Variants in PCNX3 observed in about 807,000 individuals in gnomAD.
The protein encoded by PCNX3 is pecanex-like protein 3.
PCNX3 carries 58 observed loss-of-function variants against 207.2 expected under a neutral mutation model. The ratio of observed to expected loss-of-function variants is 0.28; its 90% confidence interval spans 0.23 to 0.35. The LOEUF (loss-of-function observed/expected upper bound fraction) is 0.35. PCNX3 is among the 10% of genes least tolerant of loss of function. The pLI, the probability that PCNX3 is intolerant of heterozygous loss-of-function variation, is 1.00. For missense variants in PCNX3, 2,410 were observed against 2,774.4 expected, an observed-to-expected ratio of 0.87 and a Z score of 2.95; for synonymous variants, 1,337 against 1,183.5, an observed-to-expected ratio of 1.13 and a Z score of -2.66.
chr11:65,616,930 A>G lies in PCNX3; in HGVS notation c.260A>G (p.Gln87Arg). The G allele has an allele frequency of 6.2e-7, 1 of 1,613,512 alleles. No homozygotes were observed. Among genetic ancestry groups the G allele is most frequent in the South Asian group, 1.1e-5 (1 of 91,088 alleles). The part of the protein sequence containing the change: ...VNYRLHAMFD[Q>R]GEIVEKRSST... The stretch of plus-strand genomic sequence containing the variant: ...TATCGGCTTCATGCCATGTTTGACC[A>G]GGGCGAGATCGTGGAGAAGCGCAGC... Residue 87 changes from glutamine (Q) to arginine (R), a missense_variant, in exon 2 of 35, where the codon CAG becomes CGG. Transcript: ENST00000355703.
rs891610846 is a variant in PCNX3, at chr11:65,616,172, C to T, written c.-140C>T. ...CTGCTCGCACCCTCGCGCGGCCGAG[C>T]CCCCCTCCCCCGCTGGGGGAGGCCA... is the stretch of plus-strand genomic sequence containing the variant. On this transcript the variant is annotated 5_prime_UTR_variant, in exon 1 of 35. Coordinates refer to ENST00000355703, the MANE Select transcript of PCNX3 (RefSeq NM_032223.4). 5.1e-6 allele frequency: 3 copies of T among 588,886 alleles called. No homozygotes were observed. Among genetic ancestry groups the T allele is most frequent in the Middle Eastern group, 5.1e-4 (1 of 1,978 alleles). 36.5% of individuals were successfully genotyped at this position (588,886 alleles called of 1,614,324 possible).
intron 27 of PCNX3, among the ~76,000 whole-genome samples, chr11:65,631,472 T>C (rs144822931): frequency 0.015 from 2,256 of 152,180 alleles, 22 homozygotes; most frequent in Middle Eastern, 0.075. Context: ...GCCTGGCCAA[T>C]GTGGCGAAAC....
chr11:65,629,180 C>T (rs1037246600), intron 24 of PCNX3, among the ~76,000 whole-genome samples, 177 bp from the exon 25 acceptor site: 2 of 152,186 alleles, frequency 1.3e-5, no homozygotes, highest in Non-Finnish European at 2.9e-5. Context: ...CTCCCAGCTT[C>T]TTGGCTGTGT....
At chr11:65,617,808 C>T (rs1854827503) in intron 5 of PCNX3, 102 bp downstream of exon 5, 4 of 1,473,698 alleles carry the variant, frequency 2.7e-6, no homozygotes, top group Middle Eastern at 2.3e-4. Flanking sequence ...CTGTATTCCT[C>T]TGTGGGACCT....
rs1364391721 is a variant in PCNX3, at chr11:65,617,322, C to G, written c.414C>G (p.His138Gln). 6.2e-7 allele frequency: 1 copy of G among 1,612,922 alleles called. No homozygotes were observed. Among genetic ancestry groups the G allele is most frequent in the Non-Finnish European group, 8.5e-7 (1 of 1,179,602 alleles). The stretch of plus-strand genomic sequence containing the variant: ...CCCCGGTGCGCTGCAGCTCCCAGCA[C>G]TCTGTGTTTGGCTTCAACCAGGTCT... The part of the protein sequence containing the change: ...STPPVRCSSQ[H>Q]SVFGFNQVSE... The change falls in exon 3 of 35, where the codon CAC becomes CAG. Residue 138 changes from histidine to glutamine, a missense_variant. Coordinates refer to ENST00000355703, the MANE Select transcript of PCNX3 (RefSeq NM_032223.4).
intron 22 of PCNX3, 87 bp from the exon 23 acceptor site, chr11:65,628,508 C>T: frequency 7.6e-7 from 1 of 1,317,282 alleles, no homozygotes; most frequent in South Asian, 1.2e-5. Flanking sequence ...AGTGCGATGA[C>T]CCAAGCCTCT....
rs1854860467 is a variant in PCNX3, at chr11:65,618,248, G to A, written c.886G>A (p.Gly296Ser). The change falls in exon 6 of 35, where the codon GGC becomes AGC. Residue 296 changes from glycine to serine, a missense_variant. This residue lies in a region of PCNX3 where 1,104 missense variants were observed against 970.3 expected (regional missense o/e 1.14). Coordinates refer to ENST00000355703, the MANE Select transcript of PCNX3 (RefSeq NM_032223.4). ...GSGEPTPQKA[G>S]SSDSCFSGTD... ...AGGGGAGCCCACGCCCCAGAAAGCC[G>A]GCTCCTCAGACTCCTGCTTCAGCGG... 4.4e-6 allele frequency: 7 copies of A among 1,608,544 alleles called. No homozygotes were observed. Among genetic ancestry groups the A allele is most frequent in the East Asian group, 2.2e-5 (1 of 44,796 alleles).
At chr11:65,634,095 C>T (rs775441561) in intron 27 of PCNX3, 31 bp from the exon 28 acceptor site, 11 of 1,588,390 alleles carry the variant, frequency 6.9e-6, no homozygotes, top group Admixed American at 5.2e-5. Flanking sequence ...GGGCCGGGAC[C>T]CCGGCCTGAC....
Position 65,617,952 on chromosome 11 carries a change from C to T in PCNX3, c.590C>T (p.Pro197Leu). Reference protein sequence around the residue: ...SSQEKLIGDLPQTPPGAVPDP... With the variant: ...SSQEKLIGDLLQTPPGAVPDP... The stretch of plus-strand genomic sequence containing the variant: ...TTTATTTTGGCAGTTGGAGACCTTC[C>T]CCAGACGCCTCCAGGGGCTGTCCCA... Residue 197 changes from proline (P) to leucine (L), a missense_variant, in exon 6 of 35, where the codon CCC becomes CTC. Pro to Leu is a moderately conservative substitution (Grantham distance 98). Around this residue, in one of 8 missense-constraint regions of PCNX3, gnomAD observed 1,104 missense variants for 970.3 expected, o/e 1.14. Coordinates refer to ENST00000355703, the MANE Select transcript of PCNX3 (RefSeq NM_032223.4). 1.9e-6 allele frequency: 3 copies of T among 1,578,432 alleles called. No individual in the cohort carries two copies. The highest frequency in any genetic ancestry group is 2.3e-5 in the South Asian group (2 of 87,614).
intron 2 of PCNX3, 68 bp downstream of exon 2, chr11:65,617,079 G>A: frequency 1.3e-6 from 2 of 1,485,654 alleles, no homozygotes; most frequent in Non-Finnish European, 1.8e-6. Flanking sequence ...CTTGCAGGGT[G>A]GAGTAGGGGC....
chr11:65,617,112 G>A, intron 2 of PCNX3, 101 bp downstream of exon 2: 1 of 1,408,458 alleles, frequency 7.1e-7, no homozygotes, highest in Non-Finnish European at 9.6e-7. Flanking sequence ...GGCTCTCTGA[G>A]TGATTGTGAA....
intron 21 of PCNX3, 57 bp from the exon 22 acceptor site, chr11:65,627,348 C>T: frequency 6.4e-7 from 1 of 1,557,204 alleles, no homozygotes; most frequent in African/African-American, 1.3e-5. Context: ...GATGGGACAC[C>T]TATACCCACT....
At position 65,626,908 on chromosome 11, in the gene PCNX3, C is replaced by T. The variant is rs181286246; in HGVS notation, c.3384C>T (p.Ala1128=). The T allele has an allele frequency of 5.1e-5, 81 of 1,585,632 alleles. No individual in the cohort carries two copies. Among genetic ancestry groups the T allele is most frequent in the East Asian group, 3.7e-4 (16 of 43,446 alleles). Reference sequence around the variant, plus strand: ...AGTCCTGGCCTCTCCACACAGGTGCCGCCCAGGTGATGTGGTTTGAGAAGC... The same window carrying T: ...AGTCCTGGCCTCTCCACACAGGTGCTGCCCAGGTGATGTGGTTTGAGAAGC... The part of the protein sequence containing the change: ...LEYSQYEVRG[A]AQVMWFEKLY... Residue 1128 remains alanine (A), a synonymous_variant, in exon 21 of 35, where the codon GCC becomes GCT. Transcript: ENST00000355703.
rs1359021142 is a variant in PCNX3, at chr11:65,626,025, C to A, written c.3350C>A (p.Pro1117Gln). The A allele has an allele frequency of 6.2e-7, 1 of 1,611,716 alleles. No individual in the cohort carries two copies. Among genetic ancestry groups the A allele is most frequent in the Non-Finnish European group, 8.5e-7 (1 of 1,179,062 alleles). Residue 1117 changes from proline (P) to glutamine (Q), a missense_variant, in exon 20 of 35, where the codon CCG becomes CAG. Physicochemically the swap from Pro to Gln is moderately conservative, Grantham distance 76. Transcript: ENST00000355703. ...TGCCTGTCACAGCCCGTGCTGAAGCCGCTGGAGTACAGCCAGTATGAAGTG... is the reference window on the plus strand; with the variant it reads ...TGCCTGTCACAGCCCGTGCTGAAGCAGCTGGAGTACAGCCAGTATGAAGTG... ...WFCLSQPVLK[P>Q]LEYSQYEVRG...
At chr11:65,628,445 C>A in intron 22 of PCNX3, 150 bp from the exon 23 acceptor site, 1 of 709,830 alleles carries the variant, frequency 1.4e-6, no homozygotes, top group Non-Finnish European at 2.4e-6. Flanking sequence ...TGAGCCATGT[C>A]CAGAGCACAA....
intron 8 of PCNX3, 49 bp downstream of exon 8, chr11:65,619,981 A>G (rs1370078340): frequency 6.5e-7 from 1 of 1,535,546 alleles, no homozygotes; most frequent in South Asian, 1.2e-5. Flanking sequence ...GCCTTCCCCC[A>G]ACAGCCTGAG....
Position 65,635,201 on chromosome 11 carries a change from C to G in PCNX3, c.4954-17C>G, listed in dbSNP as rs1160175952. On this transcript the variant is annotated splice_polypyrimidine_tract_variant and intron_variant, in intron 30 of 34. Coordinates refer to ENST00000355703, the MANE Select transcript of PCNX3 (RefSeq NM_032223.4). The surrounding 1 kb of genome is among the most constrained non-coding windows in gnomAD (Gnocchi z 9.9). The stretch of plus-strand genomic sequence containing the variant: ...AGGGCAGGGGCCACTGACCCCTGTT[C>G]CCGTCTTCTCTACCAGGACCACTTC... The G allele has an allele frequency of 1.9e-6, 3 of 1,591,626 alleles. No homozygotes were observed. Among genetic ancestry groups the G allele is most frequent in the East Asian group, 2.3e-5 (1 of 43,826 alleles).
intron 21 of PCNX3, 90 bp from the exon 22 acceptor site, chr11:65,627,315 C>A: frequency 7.2e-7 from 1 of 1,396,236 alleles, no homozygotes; most frequent in Non-Finnish European, 9.6e-7. Flanking sequence ...CCAGGGGTTG[C>A]TCTCCGGCCA....
Position 65,624,352 on chromosome 11 carries a change from G to A in PCNX3, c.2702G>A (p.Arg901Gln). ...LFSASFFFCA[R>Q]DVATVFTLCF... ...TCTGCCTCCTTCTTCTTCTGTGCCCGAGACGTGGCCACTGGTGAGGCTGGG... is the reference window on the plus strand; with the variant it reads ...TCTGCCTCCTTCTTCTTCTGTGCCCAAGACGTGGCCACTGGTGAGGCTGGG... The change falls in exon 14 of 35, where the codon CGA becomes CAA. Residue 901 changes from arginine (R) to glutamine (Q), a missense_variant. By Grantham distance (43) the Arg-to-Gln change is conservative. Transcript: ENST00000355703. 1 of 1,555,328 alleles carries A rather than the reference G, an allele frequency of 6.4e-7. No individual in the cohort carries two copies. Among genetic ancestry groups the A allele is most frequent in the South Asian group, 1.2e-5 (1 of 84,348 alleles).
Sources: gnomAD v4.1 joint callset for allele counts (sites outside exome capture counted in the v4.1 genomes callset) on GRCh38, gnomAD v4.1.1 for gene constraint, gnomAD v4.1.1 regional missense constraint, Gnocchi (gnomAD v3.1) non-coding constraint, MANE v1.5 for transcripts, NCBI Gene and HGNC (gene_info 2026-07-23, HGNC 2026-07-21) for gene names.